The following TTC21B variants were observed in gnomAD, a reference collection of about 807,000 sequenced individuals.
TTC21B encodes the protein tetratricopeptide repeat protein 21B.
In TTC21B, 127 loss-of-function variants were observed where a neutral mutation model predicts 175.1. The observed-to-expected ratio is 0.73, with a 90% confidence interval of 0.63 to 0.84. TTC21B has a LOEUF of 0.84. Among genes scored for constraint, TTC21B ranks in the 40% least tolerant of loss-of-function variants. The pLI is 0.00. For synonymous variants in TTC21B, 524 were observed against 524.5 expected, an observed-to-expected ratio of 1.00 and a Z score of 0.01; for missense variants, 1,561 against 1,558.3, an observed-to-expected ratio of 1.00 and a Z score of -0.03.
Position 165,924,595 on chromosome 2 carries a change from A to T in TTC21B, c.1470T>A (p.Gly490=). 1.2e-6 allele frequency: 2 copies of T among 1,613,790 alleles called. No individual in the cohort carries two copies. Among genetic ancestry groups the T allele is most frequent in the Non-Finnish European group, 1.7e-6 (2 of 1,179,808 alleles). ...CTATTAGGAAGACTGTTTGCAGAAG[A>T]CCTGGAACAGTTCTTACTACAGTCT... The part of the protein sequence containing the change: ...VLETVVRTVP[G]LLQTVFLIAK... The change falls in exon 12 of 29, where the codon GGT becomes GGA. Residue 490 remains glycine (G), a synonymous_variant. Coordinates refer to ENST00000243344, the MANE Select transcript of TTC21B (RefSeq NM_024753.5).
At chr2:165,882,768 A>T (rs1038435095) in intron 26 of TTC21B, among the ~76,000 whole-genome samples, 2 of 152,208 alleles carry the variant, frequency 1.3e-5, no homozygotes, top group African/African-American at 4.8e-5. Flanking sequence ...CATGCAATGT[A>T]TTGTTATCAG....
chr2:165,934,626 G>A (rs1346385290), intron 6 of TTC21B: 1 of 133,966 alleles, frequency 7.5e-6, no homozygotes, highest in African/African-American at 2.8e-5. Flanking sequence ...AGCATATTTA[G>A]AACCAGTTAT....
chr2:165,928,807 A>G, intron 11 of TTC21B: 1 of 311,290 alleles, frequency 3.2e-6, no homozygotes. Context: ...TAGTGTGTCC[A>G]GACATGGGAT....
chr2:165,926,991 C>CATATATATATAT (rs367965246), intron 11 of TTC21B, among the ~76,000 whole-genome samples: 536 of 14,606 alleles, frequency 0.037, 142 homozygotes, highest in Middle Eastern at 0.25. Context: ...TATAAACTCC[C>CATATATATATAT]ATATATATAT....
At chr2:165,917,505 C>T (rs1380717954) in intron 13 of TTC21B, 24 bp from the exon 14 acceptor site, 4 of 1,551,798 alleles carry the variant, frequency 2.6e-6, no homozygotes, top group Non-Finnish European at 3.6e-6. Context: ...TTTAATATTT[C>T]CTTGGAGTGC....
chr2:165,934,247 T>C (rs1687024348), intron 6 of TTC21B, among the ~76,000 whole-genome samples: 1 of 152,102 alleles, frequency 6.6e-6, no homozygotes, highest in Admixed American at 6.5e-5. Context: ...GCTTCTTTTT[T>C]ATTATTTTGT....
In TTC21B at chr2:165,915,190, C is replaced by T. The variant is rs1324613873; in HGVS notation, c.2138+11G>A. 6.3e-7 allele frequency: 1 copy of T among 1,599,638 alleles called. No individual in the cohort carries two copies. Among genetic ancestry groups the T allele is most frequent in the South Asian group, 1.1e-5 (1 of 90,652 alleles). ...TGTATCAAAATATAATGGGTTAAGA[C>T]AATTACTTACCTAAAACAAGTGATA... On this transcript the variant is annotated intron_variant, in intron 15 of 28. Transcript: ENST00000243344.
At chr2:165,876,494 G>T (rs1196590859) in intron 27 of TTC21B, among the ~76,000 whole-genome samples, 1 of 152,220 alleles carries the variant, frequency 6.6e-6, no homozygotes, top group Non-Finnish European at 1.5e-5. Flanking sequence ...CATCCCACAA[G>T]TGTGGTTTCT....
chr2:165,883,592 A>G lies in TTC21B; in HGVS notation c.3684+202T>C, dbSNP rs80121423. 6.4e-3 allele frequency among the ~76,000 whole-genome samples: 973 copies of G among 152,284 alleles called. 10 individuals carry two copies. Among genetic ancestry groups the G allele is most frequent in the African/African-American group, 0.022 (929 of 41,580 alleles). The stretch of plus-strand genomic sequence containing the variant: ...ACAGCTGAAACTTGAAATTGCATAA[A>G]TCTTTCTTTTTTTTAAACTTTAAAG... On this transcript the variant is annotated intron_variant, in intron 26 of 28. Coordinates refer to ENST00000243344, the MANE Select transcript of TTC21B (RefSeq NM_024753.5).
In TTC21B at chr2:165,874,586, C is replaced by G. The variant is rs545408261; in HGVS notation, c.*169G>C. ...TCTCATTCAACTCCATTAGGAAACA[C>G]CAATTTCACATAGTACTTCTCTTGA... On this transcript the variant is annotated 3_prime_UTR_variant, in exon 29 of 29. Transcript: ENST00000243344. The G allele has an allele frequency of 2.9e-4, 182 of 624,078 alleles. 1 individual carries two copies. In the African/African-American group the frequency reaches 3.3e-3, roughly 11 times the overall value. 38.7% of individuals were successfully genotyped at this position (624,078 alleles called of 1,614,324 possible). A position where few individuals can be genotyped will look rare whatever the true frequency, so the allele number is the denominator to read the frequency against.
intron 22 of TTC21B, among the ~76,000 whole-genome samples, chr2:165,898,461 A>G (rs1481414087): frequency 2.6e-5 from 4 of 152,228 alleles, no homozygotes; most frequent in African/African-American, 9.6e-5. Flanking sequence ...TTTTTGGAAT[A>G]CAGTAGGATT....
At chr2:165,916,386 C>A (rs772737378) in intron 14 of TTC21B, among the ~76,000 whole-genome samples, 1 of 152,162 alleles carries the variant, frequency 6.6e-6, no homozygotes, top group Non-Finnish European at 1.5e-5. Flanking sequence ...CCTAAAACAA[C>A]GGATACAAAT....
chr2:165,945,446 A>C, intron 4 of TTC21B, 78 bp downstream of exon 4: 5 of 1,353,972 alleles, frequency 3.7e-6, no homozygotes, highest in Non-Finnish European at 5.1e-6. Flanking sequence ...TAAAGAGCTA[A>C]ATCACAGATA....
rs570679271 is a variant in TTC21B, at chr2:165,912,577, C to T, written c.2259G>A (p.Pro753=). ...VAYEQALNQN[P]KDGTLASKMG... ...TTTTGCTTGCCAATGTTCCATCTTT[C>T]GGGTTCTGATTTAATGCTTGCTCAT... The change falls in exon 17 of 29, where the codon CCG becomes CCA. Residue 753 remains proline, a synonymous_variant. Coordinates refer to ENST00000243344, the MANE Select transcript of TTC21B (RefSeq NM_024753.5). 30 of 1,614,062 alleles carry T rather than the reference C, an allele frequency of 1.9e-5. No individual in the cohort carries two copies. Among genetic ancestry groups the T allele is most frequent in the South Asian group, 4.4e-5 (4 of 91,078 alleles).
At chr2:165,880,251 T>C (rs1327031135) in intron 27 of TTC21B, among the ~76,000 whole-genome samples, 1 of 152,142 alleles carries the variant, frequency 6.6e-6, no homozygotes, top group Admixed American at 6.5e-5. Flanking sequence ...CAAATAATTG[T>C]GGGAAACATG....
At chr2:165,935,132 C>T (rs575781884) in intron 6 of TTC21B, among the ~76,000 whole-genome samples, 2 of 152,164 alleles carry the variant, frequency 1.3e-5, no homozygotes, top group African/African-American at 2.4e-5. Context: ...AGATGGAAAG[C>T]GTCTAGGTCC....
chr2:165,898,906 A>G, intron 21 of TTC21B, 139 bp from the exon 22 acceptor site: 1 of 682,178 alleles, frequency 1.5e-6, no homozygotes, highest in Non-Finnish European at 2.7e-6. Context: ...GAGGCATTTA[A>G]GATTCAAGCC....
At chr2:165,889,248 G>T (rs567219845) in intron 24 of TTC21B, among the ~76,000 whole-genome samples, 2 of 152,220 alleles carry the variant, frequency 1.3e-5, no homozygotes, top group South Asian at 4.1e-4. Flanking sequence ...TCACGCTGTT[G>T]ACTACCACTT....
chr2:165,953,553 G>A lies in TTC21B; in HGVS notation c.21+132C>T. On this transcript the variant is annotated intron_variant, in intron 1 of 28. Transcript: ENST00000243344. ...GCTGCAGGCCCACCCCGCAACCCGA[G>A]CAGCCGGGGCACCGCAGGGAAACAG... The A allele has an allele frequency of 2.1e-6, 3 of 1,455,814 alleles. No homozygotes were observed. In the South Asian group the frequency reaches 3.7e-5, roughly 18 times the overall value. The allele number at this position is 1,455,814 out of a possible 1,614,324, so 90.2% of individuals were successfully genotyped here.
Sources: allele counts gnomAD v4.1 joint callset (sites outside exome capture counted in the v4.1 genomes callset), GRCh38; gene constraint gnomAD v4.1.1; transcripts MANE v1.5; gene names NCBI Gene and HGNC (gene_info 2026-07-23, HGNC 2026-07-21).